SIPA1L3: variants seen among roughly 807,000 people sequenced by gnomAD.
SIPA1L3 encodes the protein signal induced proliferation associated 1 like 3.
In SIPA1L3, 59 loss-of-function variants were observed where a neutral mutation model predicts 150.1. The ratio of observed to expected loss-of-function variants is 0.39; its 90% CI spans 0.32 to 0.49. The LOEUF (loss-of-function observed/expected upper bound fraction) is 0.49. Ranked by LOEUF, SIPA1L3 falls within the 20% of genes least tolerant of loss-of-function variation. The probability of loss-of-function intolerance (pLI) is 0.86; values close to 1 mark genes in which losing one functional copy is unlikely to be tolerated. For synonymous variants in SIPA1L3, 1,070 were observed against 1,077.6 expected (o/e 0.99, Z 0.14); for missense variants, 2,211 against 2,489.5 (o/e 0.89, Z 2.38).
chr19:37,980,805 G>A (rs1315782591), intron 1 of SIPA1L3, among the ~76,000 whole-genome samples: 3 of 152,226 alleles, frequency 2.0e-5, no homozygotes, highest in Non-Finnish European at 4.4e-5. Flanking sequence ...GAATGTCCTC[G>A]AGAGAGGGTT....
chr19:37,928,166 T>TA (rs1225909054), intron 1 of SIPA1L3, among the ~76,000 whole-genome samples: 1 of 152,192 alleles, frequency 6.6e-6, no homozygotes, highest in Non-Finnish European at 1.5e-5. Context: ...TGAGCTAATT[T>TA]ACATTCCCAC....
rs139166866 is a variant in SIPA1L3, at chr19:37,987,746, GCCCCAGTGGGGATA to G, written c.-378-41341_-378-41328del. The stretch of plus-strand genomic sequence containing the variant: ...TCATGGCCACTTTAGTTTGGGGCAG[GCCCCAGTGGGGATA>G]CAAGCTCTTGGTGCATCTCCCGTCT... On this transcript the variant is annotated intron_variant, in intron 1 of 21. Coordinates refer to ENST00000222345, the MANE Select transcript of SIPA1L3 (RefSeq NM_015073.3). Among the ~76,000 whole-genome samples the G allele has an allele frequency of 9.7e-3, 1,473 of 152,320 alleles. 22 individuals carry two copies. Among genetic ancestry groups the G allele is most frequent in the African/African-American group, 0.033 (1,367 of 41,562 alleles).
At chr19:38,097,486 C>A (rs925017195) in intron 4 of SIPA1L3, among the ~76,000 whole-genome samples, 3 of 152,182 alleles carry the variant, frequency 2.0e-5, no homozygotes, top group Admixed American at 6.6e-5. Flanking sequence ...GCTGGAAATA[C>A]ATTTCTTGAT....
At chr19:38,175,887 G>A (rs1396629490) in intron 15 of SIPA1L3, among the ~76,000 whole-genome samples, 1 of 152,090 alleles carries the variant, frequency 6.6e-6, no homozygotes, top group Non-Finnish European at 1.5e-5. Flanking sequence ...TCAGGAGGAC[G>A]CATGGGCACA....
intron 7 of SIPA1L3, chr19:38,109,923 T>C: frequency 3.0e-6 from 1 of 338,342 alleles, no homozygotes; most frequent in Non-Finnish European, 5.6e-6. Context: ...GTGAGGTTTA[T>C]GCAAGACCAG....
At chr19:38,188,065 T>G (rs1972727310) in intron 16 of SIPA1L3, among the ~76,000 whole-genome samples, 1 of 152,180 alleles carries the variant, frequency 6.6e-6, no homozygotes, top group South Asian at 2.1e-4. Context: ...ATTCCCCTTG[T>G]ATGTGCTGTA....
intron 16 of SIPA1L3, among the ~76,000 whole-genome samples, chr19:38,183,797 C>A (rs1972615589): frequency 6.6e-6 from 1 of 151,448 alleles, no homozygotes; most frequent in Non-Finnish European, 1.5e-5. Flanking sequence ...CGGGGAGGTG[C>A]GGAGGCGGAG....
intron 1 of SIPA1L3, among the ~76,000 whole-genome samples, chr19:37,926,781 C>T (rs1158066908): frequency 1.3e-5 from 2 of 152,146 alleles, no homozygotes; most frequent in Non-Finnish European, 2.9e-5. Flanking sequence ...GTTGGTAAGC[C>T]TTTGGCTGCA....
chr19:38,171,076 C>T (rs1972317888), intron 15 of SIPA1L3, among the ~76,000 whole-genome samples: 1 of 151,542 alleles, frequency 6.6e-6, no homozygotes, highest in Admixed American at 6.6e-5. Context: ...TGTTGAATTT[C>T]TCATTCAGAA....
At chr19:37,913,005 T>C (rs1435098167) in intron 1 of SIPA1L3, among the ~76,000 whole-genome samples, 1 of 152,250 alleles carries the variant, frequency 6.6e-6, no homozygotes, top group Non-Finnish European at 1.5e-5. Flanking sequence ...GTGGGAAATA[T>C]CACTCCTCAT....
intron 2 of SIPA1L3, among the ~76,000 whole-genome samples, chr19:38,050,916 C>T (rs1041915242): frequency 2.6e-5 from 4 of 151,972 alleles, no homozygotes; most frequent in African/African-American, 4.8e-5. Context: ...AAAGTTAGCC[C>T]GGTGTGGTGG....
At chr19:38,120,637 G>A (rs146139057) in intron 9 of SIPA1L3, among the ~76,000 whole-genome samples, 192 of 152,344 alleles carry the variant, frequency 1.3e-3, no homozygotes, top group Non-Finnish European at 2.5e-3. Context: ...TTCCATGTTA[G>A]TAATCACAGT....
intron 1 of SIPA1L3, among the ~76,000 whole-genome samples, chr19:37,976,283 T>C (rs559680855): frequency 4.6e-5 from 7 of 152,138 alleles, no homozygotes; most frequent in African/African-American, 1.7e-4. Flanking sequence ...ACGTCTCTTA[T>C]TGGGTTTCTC....
chr19:37,967,563 C>T (rs2046915467), intron 1 of SIPA1L3, among the ~76,000 whole-genome samples: 1 of 151,926 alleles, frequency 6.6e-6, no homozygotes, highest in Non-Finnish European at 1.5e-5. Flanking sequence ...GAAATTTCCC[C>T]TTCTTATAAG....
intron 2 of SIPA1L3, among the ~76,000 whole-genome samples, chr19:38,038,143 G>T (rs952257765): frequency 1.6e-4 from 25 of 152,136 alleles, no homozygotes; most frequent in African/African-American, 6.0e-4. Context: ...CAGAGGATGG[G>T]GCCAGGGTAA....
At position 38,141,243 on chromosome 19, in the gene SIPA1L3, T is replaced by G. The variant is rs764623726; in HGVS notation, c.3203T>G (p.Ile1068Ser). The part of the protein sequence containing the change: ...TSEPKTEQES[I>S]TPGGRPPYRS... ...GAGCCCAAGACGGAGCAGGAAAGCATCACTCCTGGGGGCCGGCCCCCCTAC... is the reference window on the plus strand; with the variant it reads ...GAGCCCAAGACGGAGCAGGAAAGCAGCACTCCTGGGGGCCGGCCCCCCTAC... Residue 1068 changes from isoleucine (I) to serine (S), a missense_variant, in exon 11 of 22, where the codon ATC becomes AGC. Around this residue, in one of 5 missense-constraint regions of SIPA1L3, gnomAD observed 625 missense variants for 804.2 expected, o/e 0.78. Coordinates refer to ENST00000222345, the MANE Select transcript of SIPA1L3 (RefSeq NM_015073.3). 2.5e-6 allele frequency: 4 copies of G among 1,613,158 alleles called. No homozygotes were observed. In the South Asian group the frequency reaches 3.3e-5, roughly 13 times the overall value.
chr19:37,923,966 G>T (rs925631359), intron 1 of SIPA1L3, among the ~76,000 whole-genome samples: 9 of 151,862 alleles, frequency 5.9e-5, no homozygotes, highest in African/African-American at 2.2e-4. Flanking sequence ...GTAGAGACAG[G>T]GTTTCACCAT....
intron 1 of SIPA1L3, among the ~76,000 whole-genome samples, chr19:37,947,721 C>T (rs1029757416): frequency 6.6e-6 from 1 of 152,172 alleles, no homozygotes; most frequent in Non-Finnish European, 1.5e-5. Context: ...TCGTTTCTTG[C>T]GTGACATTTC....
At chr19:37,928,772 C>T (rs1450604303) in intron 1 of SIPA1L3, among the ~76,000 whole-genome samples, 1 of 152,152 alleles carries the variant, frequency 6.6e-6, no homozygotes, top group African/African-American at 2.4e-5. Context: ...TAATAGGAAG[C>T]CCAAATGAAA....
Sources: gnomAD v4.1 joint callset for allele counts (sites outside exome capture counted in the v4.1 genomes callset) on GRCh38, gnomAD v4.1.1 for gene constraint, gnomAD v4.1.1 regional missense constraint, MANE v1.5 for transcripts, NCBI Gene and HGNC (gene_info 2026-07-23, HGNC 2026-07-21) for gene names.